The following CDK17 variants were observed in gnomAD, a reference collection of about 807,000 sequenced individuals.
CDK17 encodes cyclin-dependent kinase 17.
In CDK17, 24 loss-of-function variants were observed where a neutral mutation model predicts 77.6. The ratio of observed to expected loss-of-function variants is 0.31; its 90% confidence interval spans 0.22 to 0.44. The LOEUF (loss-of-function observed/expected upper bound fraction) is 0.44, where lower values mean the gene tolerates loss of function less well. Ranked by LOEUF, CDK17 falls within the 20% of genes least tolerant of loss-of-function variation. CDK17 has a pLI of 1.00. For synonymous variants in CDK17, 203 were observed against 210.4 expected (o/e 0.96, Z 0.30); for missense variants, 429 against 622.5 (o/e 0.69, Z 3.31).
chr12:96,386,213 C>T (rs966586336), intron 1 of CDK17, among the ~76,000 whole-genome samples: 4 of 152,206 alleles, frequency 2.6e-5, no homozygotes, highest in African/African-American at 9.6e-5. Context: ...CCAGGCTTGT[C>T]TTAAACACCT....
At chr12:96,308,169 A>T (rs1302778459) in intron 5 of CDK17, among the ~76,000 whole-genome samples, 2 of 150,534 alleles carry the variant, frequency 1.3e-5, no homozygotes, top group Admixed American at 6.7e-5. Flanking sequence ...CCAATGCAGA[A>T]GGACCGCTTG....
intron 16 of CDK17, 137 bp downstream of exon 16, chr12:96,280,671 C>A: frequency 6.9e-7 from 1 of 1,449,700 alleles, no homozygotes. Context: ...ACGTGCAATG[C>A]TAAACATAAA....
At chr12:96,344,953 C>T (rs903721818) in intron 1 of CDK17, among the ~76,000 whole-genome samples, 2 of 152,144 alleles carry the variant, frequency 1.3e-5, no homozygotes, top group Admixed American at 6.6e-5. Flanking sequence ...CATGCATTAG[C>T]TCTTTTCCCT....
intron 1 of CDK17, among the ~76,000 whole-genome samples, chr12:96,372,245 T>A (rs1953707232): frequency 2.0e-5 from 3 of 152,116 alleles, no homozygotes; most frequent in African/African-American, 7.2e-5. Flanking sequence ...CATTCTTCAA[T>A]CTTCTGGTAA....
At chr12:96,389,651 G>C (rs1342589280) in intron 1 of CDK17, among the ~76,000 whole-genome samples, 1 of 152,124 alleles carries the variant, frequency 6.6e-6, no homozygotes, top group Admixed American at 6.5e-5. Flanking sequence ...AGTGTTTTAA[G>C]AAGACTGTGT....
chr12:96,346,268 T>C (rs1287615433), intron 1 of CDK17, among the ~76,000 whole-genome samples: 1 of 152,110 alleles, frequency 6.6e-6, no homozygotes, highest in Admixed American at 6.5e-5. Context: ...CTGGCCAACA[T>C]GGTGAAACCC....
At chr12:96,317,212 C>A (rs11108467) in intron 3 of CDK17, among the ~76,000 whole-genome samples, 6 of 148,678 alleles carry the variant, frequency 4.0e-5, no homozygotes, top group African/African-American at 1.2e-4. Flanking sequence ...TATCAGCGAT[C>A]GAAGATGAAA....
At chr12:96,299,257 G>C (rs970305966) in intron 6 of CDK17, among the ~76,000 whole-genome samples, 1 of 152,102 alleles carries the variant, frequency 6.6e-6, no homozygotes, top group African/African-American at 2.4e-5. Context: ...CCTTATTTTA[G>C]ATTAACAATT....
chr12:96,308,332 G>A (rs76367314), intron 5 of CDK17, among the ~76,000 whole-genome samples: 5,021 of 151,774 alleles, frequency 0.033, 137 homozygotes, highest in Non-Finnish European at 0.044. Flanking sequence ...GATTGCTTGG[G>A]CCCAGGAGTT....
chr12:96,323,967 G>A lies in CDK17; in HGVS notation c.264C>T (p.Pro88=), dbSNP rs1016028311. The A allele has an allele frequency of 6.3e-6, 10 of 1,592,360 alleles. No individual in the cohort carries two copies. In the African/African-American group the frequency reaches 1.3e-4, roughly 21 times the overall value. The stretch of plus-strand genomic sequence containing the variant: ...AATTACCTAATCTGCTTCCATTTCT[G>A]GGCATTGCCATGAAGGAGCCAAGGC... ...GGSLGSFMAM[P]RNGSRLDIVH... is the part of the protein sequence containing the mutation. Residue 88 remains proline, a synonymous_variant, in exon 3 of 17, where the codon CCC becomes CCT. Transcript: ENST00000261211.
chr12:96,304,260 C>CGG lies in CDK17; in HGVS notation c.544-3902_544-3901dup, dbSNP rs1952547052. Among the ~76,000 whole-genome samples the CGG allele has an allele frequency of 2.0e-5, 3 of 152,172 alleles. No homozygotes were observed. In the South Asian group the frequency reaches 6.2e-4, roughly 32 times the overall value. On this transcript the variant is annotated intron_variant, in intron 5 of 16. Transcript: ENST00000261211. Reference sequence around the variant, plus strand: ...TATATTAATACATAAGAAACGGGGCCGGGCACGGTGGCTCATGCCTGTAAT... The same window carrying CGG: ...TATATTAATACATAAGAAACGGGGCCGGGGGCACGGTGGCTCATGCCTGTAAT...
intron 5 of CDK17, among the ~76,000 whole-genome samples, chr12:96,307,867 TCACACACACA>T (rs1319571496): frequency 1.3e-5 from 2 of 151,440 alleles, no homozygotes; most frequent in Non-Finnish European, 3.0e-5. Context: ...ACACTCTGTC[TCACACACACA>T]GACACACACA....
Position 96,297,688 on chromosome 12 carries a change from A to G in CDK17, c.749T>C (p.Ile250Thr). Residue 250 changes from isoleucine to threonine, a missense_variant, in exon 8 of 17, where the codon ATA becomes ACA. Coordinates refer to ENST00000261211, the MANE Select transcript of CDK17 (RefSeq NM_002595.5). ...GTGAACAATGTCATGTAAGGTTACT[A>G]TATTTGCATGTTTTAAATCCTTTAA... ...SLLKDLKHAN[I>T]VTLHDIVHTD... is the part of the protein sequence containing the mutation. 6.2e-7 allele frequency: 1 copy of G among 1,603,776 alleles called. No homozygotes were observed. Among genetic ancestry groups the G allele is most frequent in the Non-Finnish European group, 8.5e-7 (1 of 1,171,906 alleles).
intron 1 of CDK17, among the ~76,000 whole-genome samples, chr12:96,362,886 G>A (rs1347850487): frequency 2.0e-5 from 3 of 152,038 alleles, no homozygotes; most frequent in Admixed American, 6.5e-5. Flanking sequence ...TTAGGGGGAT[G>A]GAGGGTTCAA....
chr12:96,297,351 C>G lies in CDK17; in HGVS notation c.811-19G>C, dbSNP rs373570728. 1.1e-5 allele frequency: 17 copies of G among 1,530,912 alleles called. No homozygotes were observed. The highest frequency in any genetic ancestry group is 1.7e-5 in the Admixed American group (1 of 58,572). The allele number at this position is 1,530,912 out of a possible 1,614,324, so 94.8% of individuals were successfully genotyped here. The stretch of plus-strand genomic sequence containing the variant: ...CTTTATCCTGGAAAAACACAGCACT[C>G]TGCTATGTGATACACCATTTTCAGA... On this transcript the variant is annotated intron_variant, in intron 8 of 16. Coordinates refer to ENST00000261211, the MANE Select transcript of CDK17 (RefSeq NM_002595.5).
chr12:96,289,121 C>T (rs765106210), intron 11 of CDK17, 46 bp downstream of exon 11: 5 of 1,591,600 alleles, frequency 3.1e-6, no homozygotes, highest in Non-Finnish European at 4.3e-6. Flanking sequence ...TTAACAGTTA[C>T]ATTCTTTCAA....
intron 16 of CDK17, 30 bp downstream of exon 16, chr12:96,280,778 G>GA: frequency 6.2e-7 from 1 of 1,604,878 alleles, no homozygotes; most frequent in Admixed American, 1.7e-5. Context: ...ATTCATGATC[G>GA]ACACGTGAAA....
At chr12:96,322,506 A>C (rs528417172) in intron 3 of CDK17, among the ~76,000 whole-genome samples, 5 of 152,106 alleles carry the variant, frequency 3.3e-5, no homozygotes, top group East Asian at 3.9e-4. Context: ...AAAAAAAAAA[A>C]ACAAACCCTG....
chr12:96,336,419 T>C (rs1953041546), intron 1 of CDK17, among the ~76,000 whole-genome samples: 1 of 152,230 alleles, frequency 6.6e-6, no homozygotes, highest in Admixed American at 6.5e-5. Flanking sequence ...GAGCTACAAA[T>C]GTGCCACTGC....
Sources: allele counts gnomAD v4.1 joint callset (sites outside exome capture counted in the v4.1 genomes callset), GRCh38; gene constraint gnomAD v4.1.1; transcripts MANE v1.5; gene names NCBI Gene and HGNC (gene_info 2026-07-23, HGNC 2026-07-21).